Variants in FBP2 observed in about 807,000 individuals in gnomAD.
FBP2 encodes the protein fructose-1,6-bisphosphatase isozyme 2.
A neutral mutation model predicts 31.6 loss-of-function variants in FBP2; 27 were observed. The observed-to-expected ratio is 0.85, with a 90% confidence interval of 0.63 to 1.18. FBP2 has a LOEUF of 1.18. Among genes scored for constraint, FBP2 ranks in the 50% most tolerant of loss-of-function variants. The probability of loss-of-function intolerance (pLI) is 0.00; values close to 1 mark genes in which losing one functional copy is unlikely to be tolerated. For missense variants in FBP2, 421 were observed against 436.1 expected (o/e 0.97, Z 0.31); for synonymous variants, 168 against 179.8 (o/e 0.93, Z 0.53).
chr9:94,588,009 C>T (rs1827448118), intron 1 of FBP2, among the ~76,000 whole-genome samples: 1 of 152,058 alleles, frequency 6.6e-6, no homozygotes, highest in African/African-American at 2.4e-5. Flanking sequence ...CCACCACGCC[C>T]GGCTAATTTT....
intron 2 of FBP2, 101 bp downstream of exon 2, chr9:94,587,206 A>G: frequency 9.8e-7 from 1 of 1,021,972 alleles, no homozygotes; most frequent in Non-Finnish European, 1.4e-6. Context: ...AATGTTAAGA[A>G]ATAGAGGAGA....
intron 3 of FBP2, among the ~76,000 whole-genome samples, chr9:94,571,830 G>C (rs547750362): frequency 5.7e-4 from 87 of 152,268 alleles, no homozygotes; most frequent in African/African-American, 2.0e-3. Context: ...TTTTCCAAAC[G>C]CATGTGTCTG....
intron 1 of FBP2, among the ~76,000 whole-genome samples, chr9:94,592,138 G>A (rs1827510564): frequency 1.3e-5 from 2 of 152,214 alleles, no homozygotes; most frequent in African/African-American, 4.8e-5. Context: ...ACCCACAGGA[G>A]CAGAACAGGG....
intron 1 of FBP2, among the ~76,000 whole-genome samples, chr9:94,590,658 G>A (rs953290971): frequency 6.6e-6 from 1 of 152,160 alleles, no homozygotes; most frequent in African/African-American, 2.4e-5. Flanking sequence ...TAAAAGCAGC[G>A]TGGACCCAAA....
intron 3 of FBP2, 99 bp downstream of exon 3, chr9:94,584,478 A>C: frequency 1.3e-6 from 1 of 756,666 alleles, no homozygotes. Context: ...CGTTAGTGGG[A>C]AGACAAAGGG....
At chr9:94,588,267 A>T (rs1386999500) in intron 1 of FBP2, among the ~76,000 whole-genome samples, 1 of 152,164 alleles carries the variant, frequency 6.6e-6, no homozygotes, top group Non-Finnish European at 1.5e-5. Context: ...ATGTGGGGGC[A>T]GACTTATTTC....
intron 6 of FBP2, among the ~76,000 whole-genome samples, 181 bp from the exon 7 acceptor site, chr9:94,559,313 A>G (rs1827058625): frequency 6.6e-6 from 1 of 152,120 alleles, no homozygotes; most frequent in Admixed American, 6.5e-5. Flanking sequence ...GATGCATCAG[A>G]TGGCACTCAT....
In FBP2 at chr9:94,587,376, G is replaced by A. The variant is rs773941713; in HGVS notation, c.264C>T (p.Ser88=). The A allele has an allele frequency of 5.6e-6, 9 of 1,613,948 alleles. 1 individual carries two copies. The Admixed American group carries it at 1.0e-4, about 18-fold the overall frequency. ...AGACCAGGACGCAGGTACTATAGGAGGATTGGACCATGTTGATCACCAGGG... is the reference window on the plus strand; with the variant it reads ...AGACCAGGACGCAGGTACTATAGGAAGATTGGACCATGTTGATCACCAGGG... ...SNSLVINMVQ[S]SYSTCVLVSE... is the part of the protein sequence containing the mutation. The change falls in exon 2 of 7, where the codon TCC becomes TCT. Residue 88 remains serine, a synonymous_variant. Transcript: ENST00000375337.
intron 4 of FBP2, chr9:94,570,075 T>C (rs1587840659): frequency 6.6e-6 from 1 of 152,328 alleles, no homozygotes; most frequent in East Asian, 1.9e-4. Flanking sequence ...AAAGATGCTA[T>C]GGTTCATCTC....
intron 3 of FBP2, among the ~76,000 whole-genome samples, chr9:94,575,413 T>C (rs913809218): frequency 2.0e-5 from 3 of 152,240 alleles, no homozygotes; most frequent in African/African-American, 7.2e-5. Flanking sequence ...CTTATGATTT[T>C]CAAGTTTATT....
intron 1 of FBP2, among the ~76,000 whole-genome samples, chr9:94,592,152 C>G (rs955294621): frequency 1.3e-5 from 2 of 152,176 alleles, no homozygotes; most frequent in Non-Finnish European, 2.9e-5. Context: ...AACAGGGCAC[C>G]GCCTGCCCTC....
chr9:94,591,411 G>T (rs755400934), intron 1 of FBP2, among the ~76,000 whole-genome samples: 1 of 152,226 alleles, frequency 6.6e-6, no homozygotes, highest in African/African-American at 2.4e-5. Context: ...ATTGCCGGGG[G>T]CCAGCAGGGC....
chr9:94,560,104 G>A (rs1472767703), intron 6 of FBP2, among the ~76,000 whole-genome samples: 1 of 152,176 alleles, frequency 6.6e-6, no homozygotes, highest in Non-Finnish European at 1.5e-5. Flanking sequence ...CAGTCTAGGT[G>A]ACAGAGCAAG....
intron 3 of FBP2, among the ~76,000 whole-genome samples, chr9:94,581,343 G>A (rs1247516307): frequency 6.6e-6 from 1 of 152,164 alleles, no homozygotes; most frequent in Non-Finnish European, 1.5e-5. Context: ...TGTGTTTTGT[G>A]CAGCTAAGTG....
At chr9:94,584,551 T>C (rs1160297966) in intron 3 of FBP2, 26 bp downstream of exon 3, 1 of 1,402,228 alleles carries the variant, frequency 7.1e-7, no homozygotes, top group Non-Finnish European at 1.0e-6. Context: ...AGGAAGGAGG[T>C]GTAAAATGTC....
chr9:94,586,726 T>C (rs528388124), intron 2 of FBP2: 1 of 152,234 alleles, frequency 6.6e-6, no homozygotes, highest in Non-Finnish European at 1.5e-5. Flanking sequence ...CTTTTGGCCA[T>C]TGGCAAACCT....
intron 1 of FBP2, 86 bp from the exon 2 acceptor site, chr9:94,587,555 CA>C: frequency 8.6e-7 from 1 of 1,168,766 alleles, no homozygotes; most frequent in African/African-American, 1.5e-5. Flanking sequence ...GCCAGCAGTG[CA>C]GTCCCCTCTC....
In FBP2 at chr9:94,593,586, C is replaced by T. The variant is rs370129734; in HGVS notation, c.141G>A (p.Ser47=). The T allele has an allele frequency of 9.3e-6, 15 of 1,614,038 alleles. No homozygotes were observed. The African/African-American group carries it at 1.1e-4, about 11-fold the overall frequency. ...GGGCCAGACCGGCCTTGCGCACAGC[C>T]GAGGAGATGGCTTTGATGGCCGTCA... is the stretch of plus-strand genomic sequence containing the variant. ...SMLTAIKAIS[S]AVRKAGLAHL... Residue 47 remains serine (S), a synonymous_variant, in exon 1 of 7, where the codon TCG becomes TCA. Transcript: ENST00000375337.
At chr9:94,582,473 C>T (rs1827381857) in intron 3 of FBP2, among the ~76,000 whole-genome samples, 1 of 151,826 alleles carries the variant, frequency 6.6e-6, no homozygotes, top group East Asian at 1.9e-4. Flanking sequence ...ATAACTTCCA[C>T]CTCCAGGTTC....
Sources: gnomAD v4.1 joint callset for allele counts (sites outside exome capture counted in the v4.1 genomes callset) on GRCh38, gnomAD v4.1.1 for gene constraint, MANE v1.5 for transcripts, NCBI Gene and HGNC (gene_info 2026-07-23, HGNC 2026-07-21) for gene names.